MET: variants seen among roughly 807,000 people sequenced by gnomAD.
MET encodes hepatocyte growth factor receptor.
In MET, 48 loss-of-function variants were observed where a neutral mutation model predicts 133.1. That is an observed-to-expected ratio of 0.36 (90% CI 0.29 to 0.46). The LOEUF (loss-of-function observed/expected upper bound fraction) is 0.46, where lower values mean the gene tolerates loss of function less well. MET is among the 20% of genes least tolerant of loss of function. The pLI is 1.00. For missense variants in MET, 1,442 were observed against 1,695.9 expected, an observed-to-expected ratio of 0.85 and a Z score of 2.63; for synonymous variants, 628 against 616.5, an observed-to-expected ratio of 1.02 and a Z score of -0.28.
Position 116,699,357 on chromosome 7 carries a change from A to T in MET, c.273A>T (p.Glu91Asp), listed in dbSNP as rs2116584576. Residue 91 changes from glutamate (E) to aspartate (D), a missense_variant, in exon 2 of 21, where the codon GAA becomes GAT. By Grantham distance (45) the Glu-to-Asp change is conservative (BLOSUM62 2). Coordinates refer to ENST00000397752, the MANE Select transcript of MET (RefSeq NM_000245.4). ...AGTACAAGACTGGGCCTGTGCTGGA[A>T]CACCCAGATTGTTTCCCATGTCAGG... ...VAEYKTGPVL[E>D]HPDCFPCQDC... 2 of 1,614,044 alleles carry T rather than the reference A, an allele frequency of 1.2e-6. No individual in the cohort carries two copies. Among genetic ancestry groups the T allele is most frequent in the Non-Finnish European group, 1.7e-6 (2 of 1,179,958 alleles).
At chr7:116,680,227 A>G (rs1402228351) in intron 1 of MET, among the ~76,000 whole-genome samples, 10 of 152,184 alleles carry the variant, frequency 6.6e-5, no homozygotes, top group Admixed American at 5.9e-4. Context: ...GCACTGACTT[A>G]TTTATACAGC....
At chr7:116,741,175 A>T in intron 5 of MET, 150 bp downstream of exon 5, 1 of 886,346 alleles carries the variant, frequency 1.1e-6, no homozygotes. Flanking sequence ...GCTGTGAGTC[A>T]TCAGCTAAAG....
intron 1 of MET, among the ~76,000 whole-genome samples, chr7:116,693,821 C>T (rs1354391169): frequency 6.6e-6 from 1 of 152,138 alleles, no homozygotes; most frequent in Non-Finnish European, 1.5e-5. Context: ...TTGTTGGGGG[C>T]CATGTACGAA....
intron 19 of MET, among the ~76,000 whole-genome samples, 195 bp downstream of exon 19, chr7:116,783,664 T>G (rs1795220411): frequency 6.6e-6 from 1 of 152,234 alleles, no homozygotes; most frequent in Non-Finnish European, 1.5e-5. Context: ...CAAAAATATT[T>G]GTTGAGTGGG....
chr7:116,700,512 G>T (rs1242336178), intron 2 of MET, among the ~76,000 whole-genome samples: 2 of 152,080 alleles, frequency 1.3e-5, no homozygotes, highest in Admixed American at 1.3e-4. Context: ...TTACAATTCA[G>T]ATTTGCATGT....
chr7:116,726,143 G>GTATA (rs1301312767), intron 2 of MET, among the ~76,000 whole-genome samples: 1 of 7,842 alleles, frequency 1.3e-4, no homozygotes, highest in Non-Finnish European at 2.7e-4. Context: ...CTATATATAT[G>GTATA]TATATATATA....
intron 2 of MET, among the ~76,000 whole-genome samples, chr7:116,721,080 C>T (rs1308720709): frequency 6.6e-6 from 1 of 152,150 alleles, no homozygotes; most frequent in Non-Finnish European, 1.5e-5. Context: ...CCTCCTTGCA[C>T]CTCTGATAGA....
intron 5 of MET, among the ~76,000 whole-genome samples, chr7:116,746,198 A>G (rs1437532300): frequency 1.3e-5 from 2 of 152,272 alleles, no homozygotes; most frequent in East Asian, 3.8e-4. Flanking sequence ...ATCACTGGCC[A>G]TCAGAGAAAT....
chr7:116,681,078 G>A (rs1796340547), intron 1 of MET, among the ~76,000 whole-genome samples: 1 of 152,076 alleles, frequency 6.6e-6, no homozygotes, highest in Admixed American at 6.5e-5. Flanking sequence ...GCCAACTTGT[G>A]TTACATGTGG....
chr7:116,791,709 G>T (rs1795502604), intron 19 of MET, among the ~76,000 whole-genome samples: 1 of 152,078 alleles, frequency 6.6e-6, no homozygotes, highest in South Asian at 2.1e-4. Flanking sequence ...CTGTCACCCA[G>T]CCTGAAGTGC....
chr7:116,721,925 T>C (rs1792504505), intron 2 of MET, among the ~76,000 whole-genome samples: 2 of 152,048 alleles, frequency 1.3e-5, no homozygotes, highest in Non-Finnish European at 2.9e-5. Flanking sequence ...AATTTTGGAA[T>C]AGGTGTGGTG....
chr7:116,717,602 C>T (rs188731635), intron 2 of MET, among the ~76,000 whole-genome samples: 195 of 152,214 alleles, frequency 1.3e-3, no homozygotes, highest in African/African-American at 4.5e-3. Context: ...TATTCAAATG[C>T]TTCTGGTAAT....
At chr7:116,744,807 A>G (rs1178798795) in intron 5 of MET, among the ~76,000 whole-genome samples, 1 of 152,208 alleles carries the variant, frequency 6.6e-6, no homozygotes, top group Non-Finnish European at 1.5e-5. Flanking sequence ...CGGGTTACCC[A>G]CAAAGGGAAG....
At position 116,795,997 on chromosome 7, in the gene MET, A is replaced by G; in HGVS notation, c.4046A>G (p.Tyr1349Cys). 1 of 1,613,998 alleles carries G rather than the reference A, an allele frequency of 6.2e-7. No individual in the cohort carries two copies. Among genetic ancestry groups the G allele is most frequent in the Non-Finnish European group, 8.5e-7 (1 of 1,179,898 alleles). Residue 1349 changes from tyrosine (Y) to cysteine (C), a missense_variant, in exon 21 of 21, where the codon TAT becomes TGT. Transcript: ENST00000397752. ...AIFSTFIGEH[Y>C]VHVNATYVNV... Reference sequence around the variant, plus strand: ...TTCTCTACTTTCATTGGGGAGCACTATGTCCATGTGAACGCTACTTATGTG... The same window carrying G: ...TTCTCTACTTTCATTGGGGAGCACTGTGTCCATGTGAACGCTACTTATGTG...
chr7:116,757,029 G>A (rs1794203845), intron 6 of MET, among the ~76,000 whole-genome samples: 1 of 150,866 alleles, frequency 6.6e-6, no homozygotes, highest in Admixed American at 6.6e-5. Flanking sequence ...AGGAATTCAA[G>A]ACCAGCCTGG....
At chr7:116,707,415 G>C (rs1324643073) in intron 2 of MET, among the ~76,000 whole-genome samples, 2 of 152,082 alleles carry the variant, frequency 1.3e-5, no homozygotes, top group Admixed American at 1.3e-4. Context: ...TCGTGCCCTA[G>C]ATAAAAGGAG....
chr7:116,696,958 A>G (rs1043926428), intron 1 of MET, among the ~76,000 whole-genome samples: 1 of 152,186 alleles, frequency 6.6e-6, no homozygotes, highest in African/African-American at 2.4e-5. Context: ...TTTGGCACTA[A>G]TGCTCTGTCT....
chr7:116,740,715 G>A lies in MET; in HGVS notation c.1528-137G>A, dbSNP rs1355544533. 5.8e-6 allele frequency: 6 copies of A among 1,043,092 alleles called. No homozygotes were observed. The Admixed American group carries it at 1.1e-4, about 20-fold the overall frequency. The allele number at this position is 1,043,092 out of a possible 1,614,324, so 64.6% of individuals were successfully genotyped here. The stretch of plus-strand genomic sequence containing the variant: ...TAAAATTTTAATCACCGTTATGACA[G>A]GATTTGCACACATAGTTGCTAAGTC... On this transcript the variant is annotated intron_variant, in intron 4 of 20. Transcript: ENST00000397752.
At chr7:116,741,697 A>T (rs12386593) in intron 5 of MET, among the ~76,000 whole-genome samples, 4,354 of 152,312 alleles carry the variant, frequency 0.029, 212 homozygotes, top group African/African-American at 0.098. Context: ...TTCCCAGAAA[A>T]AAAAGCAAAG....
Sources: gnomAD v4.1 joint callset for allele counts (sites outside exome capture counted in the v4.1 genomes callset) on GRCh38, gnomAD v4.1.1 for gene constraint, MANE v1.5 for transcripts, NCBI Gene and HGNC (gene_info 2026-07-23, HGNC 2026-07-21) for gene names.